Variants in HYDIN observed in about 807,000 individuals in gnomAD.
HYDIN encodes the protein HYDIN axonemal central pair apparatus protein.
In HYDIN, 132 loss-of-function variants were observed where a neutral mutation model predicts 403.9. That is an observed-to-expected ratio of 0.33 (90% CI 0.28 to 0.38). The LOEUF (loss-of-function observed/expected upper bound fraction) is 0.38. Among genes scored for constraint, HYDIN ranks in the 10% least tolerant of loss-of-function variants. HYDIN has a pLI of 1.00. For missense variants in HYDIN, 2,827 were observed against 5,009.5 expected (o/e 0.56, Z 13.15); for synonymous variants, 1,202 against 1,891.7 (o/e 0.64, Z 9.46).
intron 10 of HYDIN, among the ~76,000 whole-genome samples, chr16:71,115,214 G>A (rs897761791): frequency 2.0e-5 from 3 of 151,906 alleles, no homozygotes; most frequent in Admixed American, 1.3e-4. Context: ...TTGTGATAGT[G>A]AGTGAGTTCT....
At chr16:70,912,326 T>TG (rs1428283526) in intron 47 of HYDIN, among the ~76,000 whole-genome samples, 1 of 109,728 alleles carries the variant, frequency 9.1e-6, no homozygotes, top group Non-Finnish European at 1.8e-5. Context: ...AAAGGGATGT[T>TG]GGATTTTGTC....
rs1197210913 is a variant in HYDIN, at chr16:71,186,886, T to C, written c.10A>G (p.Arg4Gly). The change falls in exon 2 of 86, where the codon AGA becomes GGA. Residue 4 changes from arginine (R) to glycine (G), a missense_variant. Transcript: ENST00000393567. ...GCCCCCATGGACTCCTCAAGTCTTC[T>C]ACTTGTCATTTTTAGTAATTTTTTT... MTS[R>G]RLEESMGAVQ... 2.5e-6 allele frequency: 4 copies of C among 1,609,408 alleles called. No homozygotes were observed. Among genetic ancestry groups the C allele is most frequent in the South Asian group, 1.1e-5 (1 of 89,828 alleles).
intron 30 of HYDIN, among the ~76,000 whole-genome samples, chr16:70,977,919 C>T (rs2078933858): frequency 6.6e-6 from 1 of 151,674 alleles, no homozygotes; most frequent in Non-Finnish European, 1.5e-5. Flanking sequence ...GCCTTTTTTC[C>T]TGCTCACTAG....
intron 1 of HYDIN, among the ~76,000 whole-genome samples, chr16:71,207,636 T>A (rs2088368397): frequency 6.6e-6 from 1 of 152,146 alleles, no homozygotes; most frequent in African/African-American, 2.4e-5. Flanking sequence ...GCAAGCTGAA[T>A]GAAGAAGCAA....
chr16:71,026,116 T>C (rs1345736489), intron 20 of HYDIN, among the ~76,000 whole-genome samples: 1 of 152,196 alleles, frequency 6.6e-6, no homozygotes, highest in East Asian at 1.9e-4. Context: ...GTCAGGCTGG[T>C]CTCGAACTCC....
intron 10 of HYDIN, among the ~76,000 whole-genome samples, chr16:71,100,119 T>C (rs2083411058): frequency 6.6e-6 from 1 of 152,206 alleles, no homozygotes; most frequent in Non-Finnish European, 1.5e-5. Context: ...GTTTTCAAGG[T>C]TCTATTTATA....
At chr16:71,222,694 A>G (rs148414490) in intron 1 of HYDIN, among the ~76,000 whole-genome samples, 29 of 152,326 alleles carry the variant, frequency 1.9e-4, no homozygotes, top group African/African-American at 5.8e-4. Flanking sequence ...AACAACAACC[A>G]TGCTGAGAAT....
chr16:71,100,043 C>T (rs1266555220), intron 10 of HYDIN, among the ~76,000 whole-genome samples: 1 of 151,986 alleles, frequency 6.6e-6, no homozygotes, highest in Non-Finnish European at 1.5e-5. Flanking sequence ...GAGTAAGATT[C>T]AGGATTAGCA....
At chr16:71,073,287 T>G (rs1434071186) in intron 13 of HYDIN, among the ~76,000 whole-genome samples, 1 of 152,124 alleles carries the variant, frequency 6.6e-6, no homozygotes. Flanking sequence ...GGTTATACAA[T>G]TTTGATACAC....
chr16:71,036,031 G>A (rs1239772276), intron 18 of HYDIN, among the ~76,000 whole-genome samples: 31 of 151,872 alleles, frequency 2.0e-4, no homozygotes, highest in Non-Finnish European at 3.7e-4. Flanking sequence ...AGAGAGTTGA[G>A]TGTGCCGAGC....
intron 2 of HYDIN, among the ~76,000 whole-genome samples, chr16:71,185,574 C>T (rs1269745935): frequency 6.6e-6 from 1 of 152,014 alleles, no homozygotes; most frequent in East Asian, 1.9e-4. Flanking sequence ...TGAAAGAGCT[C>T]TGAGCTAATC....
intron 76 of HYDIN, among the ~76,000 whole-genome samples, chr16:70,839,788 C>T (rs1203003534): frequency 2.1e-5 from 3 of 144,124 alleles, no homozygotes; most frequent in African/African-American, 2.6e-5. Context: ...GTCTATTGCA[C>T]GACAAGATAA....
chr16:70,996,952 C>T (rs1423283844), intron 23 of HYDIN, among the ~76,000 whole-genome samples: 1 of 149,298 alleles, frequency 6.7e-6, no homozygotes, highest in Non-Finnish European at 1.5e-5. Context: ...TATGATGAAA[C>T]AATTATACAA....
chr16:71,203,741 G>A (rs1004456949), intron 1 of HYDIN: 1 of 455,984 alleles, frequency 2.2e-6, no homozygotes, highest in Admixed American at 2.3e-5. Context: ...CTTTGCAGAG[G>A]CTCATATGGG....
chr16:71,203,134 G>A (rs963421841), intron 1 of HYDIN, among the ~76,000 whole-genome samples: 5 of 152,154 alleles, frequency 3.3e-5, no homozygotes, highest in Non-Finnish European at 5.9e-5. Flanking sequence ...GCAGAGATGT[G>A]AGCAGGGTGG....
intron 9 of HYDIN, among the ~76,000 whole-genome samples, chr16:71,117,952 T>A (rs2084105793): frequency 6.6e-6 from 1 of 151,654 alleles, no homozygotes; most frequent in African/African-American, 2.4e-5. Context: ...GTAAATATTA[T>A]GCAGGTATGA....
Position 71,228,264 on chromosome 16 carries a change from G to A in HYDIN, c.-24+2298C>T, listed in dbSNP as rs1179098479. Reference sequence around the variant, plus strand: ...ACATAGGCATGGGCAAGGACTTCATGTCTAAAACACCAAAAGCAATGGCAA... The same window carrying A: ...ACATAGGCATGGGCAAGGACTTCATATCTAAAACACCAAAAGCAATGGCAA... On this transcript the variant is annotated intron_variant, in intron 1 of 85. Coordinates refer to ENST00000393567, the MANE Select transcript of HYDIN (RefSeq NM_001270974.2). Among the ~76,000 whole-genome samples the A allele has an allele frequency of 5.9e-5, 9 of 152,164 alleles. No homozygotes were observed. In the South Asian group the frequency reaches 1.5e-3, roughly 25 times the overall value.
chr16:70,835,823 T>G lies in HYDIN; in HGVS notation c.13254A>C (p.Leu4418=). ...ACTTCACAATCCTGTTGGCTGGATC[T>G]AGGACTAAAATCTGTGGGACAAGAA... ...GKGTKMKILV[L]DPANRIVKLG... is the part of the protein sequence containing the mutation. Residue 4418 remains leucine (L), a synonymous_variant, in exon 78 of 86, where the codon CTA becomes CTC. Coordinates refer to ENST00000393567, the MANE Select transcript of HYDIN (RefSeq NM_001270974.2). 1 of 675,270 alleles carries G rather than the reference T, an allele frequency of 1.5e-6. No homozygotes were observed. Among genetic ancestry groups the G allele is most frequent in the Non-Finnish European group, 2.6e-6 (1 of 385,908 alleles). 41.8% of individuals were successfully genotyped at this position (675,270 alleles called of 1,614,324 possible). A position where few individuals can be genotyped will look rare whatever the true frequency, so the allele number is the denominator to read the frequency against.
At chr16:71,177,654 C>A (rs554323239) in intron 4 of HYDIN, among the ~76,000 whole-genome samples, 6 of 152,308 alleles carry the variant, frequency 3.9e-5, no homozygotes, top group Non-Finnish European at 8.8e-5. Context: ...TACTTAATTT[C>A]TATTTTGTCT....
Sources: allele counts gnomAD v4.1 joint callset (sites outside exome capture counted in the v4.1 genomes callset), GRCh38; gene constraint gnomAD v4.1.1; transcripts MANE v1.5; gene names NCBI Gene and HGNC (gene_info 2026-07-23, HGNC 2026-07-21).